PTGER3: variants seen among roughly 807,000 people sequenced by gnomAD.
The protein encoded by PTGER3 is prostaglandin E2 receptor EP3 subtype.
In PTGER3, 22 loss-of-function variants were observed where a neutral mutation model predicts 34.7. The ratio of observed to expected loss-of-function variants is 0.63; its 90% confidence interval spans 0.45 to 0.91. PTGER3 has a LOEUF of 0.91. Among genes scored for constraint, PTGER3 ranks in the 40% least tolerant of loss-of-function variants. The pLI is 0.00. For synonymous variants in PTGER3, 241 were observed against 230.1 expected, an observed-to-expected ratio of 1.05 and a Z score of -0.43; for missense variants, 468 against 519.4, an observed-to-expected ratio of 0.90 and a Z score of 0.96.
At chr1:70,960,890 C>G (rs1274217017) in intron 2 of PTGER3, among the ~76,000 whole-genome samples, 1 of 152,158 alleles carries the variant, frequency 6.6e-6, no homozygotes, top group Non-Finnish European at 1.5e-5. Flanking sequence ...TTCTAGTTCT[C>G]TGGGCCACAT....
At chr1:70,950,904 T>A (rs576125343), downstream of PTGER3, 1 of 152,068 alleles carries the variant, frequency 6.6e-6, no homozygotes, top group Non-Finnish European at 1.5e-5. Flanking sequence ...TTTGTAGAGA[T>A]GGGGTTTCAC....
At chr1:71,017,955 G>T (rs192948640) in intron 1 of PTGER3, among the ~76,000 whole-genome samples, 9 of 152,066 alleles carry the variant, frequency 5.9e-5, no homozygotes, top group Non-Finnish European at 1.3e-4. Flanking sequence ...AGTAGAGATG[G>T]GGTTTCACCA....
chr1:71,032,388 C>A (rs753538428), intron 1 of PTGER3, among the ~76,000 whole-genome samples: 4 of 152,004 alleles, frequency 2.6e-5, no homozygotes, highest in African/African-American at 9.7e-5. Flanking sequence ...TAAAACAAAA[C>A]AATAGAAAAA....
At chr1:70,882,555 G>T (rs1317139684) in intron 4 of PTGER3, among the ~76,000 whole-genome samples, 1 of 152,212 alleles carries the variant, frequency 6.6e-6, no homozygotes, top group Non-Finnish European at 1.5e-5. Flanking sequence ...TTGGAGCTAT[G>T]GTGACAGTGC....
chr1:71,046,607 C>G, intron 1 of PTGER3, 74 bp downstream of exon 1: 1 of 1,478,046 alleles, frequency 6.8e-7, no homozygotes. Context: ...GCGGGTGCTG[C>G]CACTTAGCAA....
At chr1:70,869,268 T>C in intron 4 of PTGER3, 1 of 471,636 alleles carries the variant, frequency 2.1e-6, no homozygotes, top group Non-Finnish European at 4.4e-6. Context: ...CACCAAGTCC[T>C]GGGGACCTGC....
chr1:70,974,227 A>G (rs1653441656), intron 3 of PTGER3, 70 bp downstream of exon 3: 3 of 1,578,158 alleles, frequency 1.9e-6, no homozygotes, highest in South Asian at 1.2e-5. Flanking sequence ...CCTTTGTAGC[A>G]TCAACTCCGA....
At chr1:70,915,557 T>C (rs1177175217) in intron 4 of PTGER3, among the ~76,000 whole-genome samples, 4 of 152,098 alleles carry the variant, frequency 2.6e-5, no homozygotes, top group East Asian at 3.9e-4. Flanking sequence ...CTTCTGCCAA[T>C]TGGATAACAA....
Position 71,047,769 on chromosome 1 carries a change from C to A in PTGER3, c.-192G>T. On this transcript the variant is annotated 5_prime_UTR_variant, in exon 1 of 4. Transcript: ENST00000306666. ...GCGGCGGCGCCAGGGCTCACTGGCC[C>A]GGGAGGGAGCCACGCCTTCCTCTCT... 1 of 464,208 alleles carries A rather than the reference C, an allele frequency of 2.2e-6. No homozygotes were observed. Among genetic ancestry groups the A allele is most frequent in the Non-Finnish European group, 3.4e-6 (1 of 295,548 alleles). The allele number at this position is 464,208 out of a possible 1,614,324, so 28.8% of individuals were successfully genotyped here.
chr1:70,998,534 C>T (rs951983833), intron 2 of PTGER3, among the ~76,000 whole-genome samples: 2 of 152,110 alleles, frequency 1.3e-5, no homozygotes, highest in Admixed American at 1.3e-4. Context: ...ATCAACAAAT[C>T]ATTCATTTAA....
intron 1 of PTGER3, among the ~76,000 whole-genome samples, chr1:71,027,697 A>T (rs1413873220): frequency 1.3e-5 from 2 of 152,114 alleles, no homozygotes; most frequent in African/African-American, 2.4e-5. Flanking sequence ...TCTGCAGCAC[A>T]TGTATGCTTT....
intron 2 of PTGER3, among the ~76,000 whole-genome samples, chr1:70,987,186 T>C (rs1242440725): frequency 6.6e-6 from 1 of 152,184 alleles, no homozygotes; most frequent in Non-Finnish European, 1.5e-5. Flanking sequence ...GCCTTTTCTT[T>C]TCCAGTTTGA....
intron 2 of PTGER3, among the ~76,000 whole-genome samples, chr1:70,978,938 T>C (rs1653975308): frequency 6.6e-6 from 1 of 152,206 alleles, no homozygotes; most frequent in Admixed American, 6.5e-5. Flanking sequence ...AAGTCCTATC[T>C]GGAATCTAGC....
chr1:70,868,179 T>A (rs531549510), intron 4 of PTGER3, among the ~76,000 whole-genome samples: 10 of 151,934 alleles, frequency 6.6e-5, no homozygotes, highest in Non-Finnish European at 1.5e-4. Flanking sequence ...TATCAACCAT[T>A]TAGTTCATCT....
intron 4 of PTGER3, among the ~76,000 whole-genome samples, chr1:70,943,750 C>T (rs1649962631): frequency 6.6e-6 from 1 of 151,196 alleles, no homozygotes; most frequent in Non-Finnish European, 1.5e-5. Context: ...GTGGCTGAAA[C>T]TGAGAATTGT....
chr1:70,888,355 G>T (rs1475151048), intron 4 of PTGER3, among the ~76,000 whole-genome samples: 4 of 152,126 alleles, frequency 2.6e-5, no homozygotes, highest in Non-Finnish European at 2.9e-5. Flanking sequence ...TATCTATGTA[G>T]ATCCTATTTT....
Position 70,971,005 on chromosome 1 carries a change from A to T in PTGER3, c.*725T>A. 1.0e-6 allele frequency: 1 copy of T among 985,260 alleles called. No homozygotes were observed. The highest frequency in any genetic ancestry group is 1.2e-6 in the Non-Finnish European group (1 of 829,890). 61.0% of individuals were successfully genotyped at this position (985,260 alleles called of 1,614,324 possible). On this transcript the variant is annotated 3_prime_UTR_variant, in exon 4 of 4. Coordinates refer to ENST00000306666, the MANE Select transcript of PTGER3 (RefSeq NM_198719.2). ...CTCTAACTGCGCAGCTAATCATTCA[A>T]CCTCAAATTTGTTTTTTATGACACT...
At chr1:70,887,221 G>A (rs571188645) in intron 4 of PTGER3, among the ~76,000 whole-genome samples, 3 of 152,242 alleles carry the variant, frequency 2.0e-5, no homozygotes, top group South Asian at 4.1e-4. Context: ...CATTTCCATT[G>A]AAATTCTACA....
At chr1:70,900,433 G>A (rs1250583657) in intron 4 of PTGER3, among the ~76,000 whole-genome samples, 5 of 152,134 alleles carry the variant, frequency 3.3e-5, no homozygotes, top group African/African-American at 1.2e-4. Context: ...GAGTGCTTCT[G>A]GCTCTGAGTG....
Sources: gnomAD v4.1 joint callset for allele counts (sites outside exome capture counted in the v4.1 genomes callset) on GRCh38, gnomAD v4.1.1 for gene constraint, MANE v1.5 for transcripts, NCBI Gene and HGNC (gene_info 2026-07-23, HGNC 2026-07-21) for gene names.